Variants in SLAIN2 observed in about 807,000 individuals in gnomAD.
SLAIN2 encodes the protein SLAIN motif-containing protein 2.
SLAIN2 carries 31 observed loss-of-function variants against 56.6 expected under a neutral mutation model. The observed-to-expected ratio is 0.55, with a 90% CI of 0.41 to 0.74. The LOEUF is 0.74. Ranked by LOEUF, SLAIN2 falls within the 30% of genes least tolerant of loss-of-function variation. SLAIN2 has a pLI of 0.00. For missense variants in SLAIN2, 777 were observed against 754.2 expected (o/e 1.03, Z -0.35); for synonymous variants, 317 against 284.9 (o/e 1.11, Z -1.13).
Position 48,422,939 on chromosome 4 carries a change from T to C in SLAIN2, c.*862T>C, listed in dbSNP as rs1717199542. 6.6e-6 allele frequency: 1 copy of C among 152,218 alleles called. No homozygotes were observed. The highest frequency in any genetic ancestry group is 2.1e-4 in the South Asian group (1 of 4,832). The allele number at this position is 152,218 out of a possible 1,614,324, so 9.4% of individuals were successfully genotyped here. The stretch of plus-strand genomic sequence containing the variant: ...ATCTTTACAGAACTAAGAGATCTTG[T>C]TTCTATTAGCAGGTTTTCATGATAG... On this transcript the variant is annotated 3_prime_UTR_variant, in exon 8 of 8. Transcript: ENST00000264313.
intron 6 of SLAIN2, among the ~76,000 whole-genome samples, chr4:48,410,360 A>G (rs1228281687): frequency 6.6e-6 from 1 of 151,812 alleles, no homozygotes; most frequent in Admixed American, 6.6e-5. Flanking sequence ...TGATTTGTAA[A>G]TATTTTCTCC....
At chr4:48,413,218 ACT>A (rs1260811121) in intron 6 of SLAIN2, among the ~76,000 whole-genome samples, 1 of 122,482 alleles carries the variant, frequency 8.2e-6, no homozygotes, top group African/African-American at 2.9e-5. Context: ...ATAGAGCGAG[ACT>A]CTGCCTCAAA....
chr4:48,355,362 A>G (rs1358609885), intron 1 of SLAIN2, among the ~76,000 whole-genome samples: 2 of 152,214 alleles, frequency 1.3e-5, no homozygotes, highest in African/African-American at 4.8e-5. Flanking sequence ...TCCCATGTGA[A>G]GACTGTTATA....
At position 48,420,138 on chromosome 4, in the gene SLAIN2, C is replaced by G; in HGVS notation, c.1374C>G (p.Gly458=). Residue 458 remains glycine (G), a synonymous_variant, in exon 7 of 8, where the codon GGC becomes GGG. Transcript: ENST00000264313. ...QPQASAIPSP[G]KFRSPAAPSP... ...GCCATCCCACAGTACCTTCTCCAGG[C>G]AAATTCCGTTCCCCTGCAGCACCAT... 1.2e-6 allele frequency: 2 copies of G among 1,613,766 alleles called. No homozygotes were observed.
intron 6 of SLAIN2, among the ~76,000 whole-genome samples, chr4:48,390,232 C>A (rs1243816531): frequency 1.3e-5 from 2 of 151,922 alleles, no homozygotes; most frequent in East Asian, 3.9e-4. Context: ...CACGCACCAC[C>A]ATGCCTGGCT....
rs1281437264 is a variant in SLAIN2, at chr4:48,383,803, C to T, written c.1360+19C>T. On this transcript the variant is annotated intron_variant, in intron 6 of 7. Coordinates refer to ENST00000264313, the MANE Select transcript of SLAIN2 (RefSeq NM_020846.2). ...TCAGCCAGTAAGTATCCTTCTTATG[C>T]TTTCATGTATCAGTTATTTAAAGAG... 1.9e-5 allele frequency: 31 copies of T among 1,603,770 alleles called. No homozygotes were observed. Among genetic ancestry groups the T allele is most frequent in the South Asian group, 6.7e-5 (6 of 89,436 alleles).
chr4:48,393,663 C>T (rs906471172), intron 6 of SLAIN2, among the ~76,000 whole-genome samples: 1 of 152,120 alleles, frequency 6.6e-6, no homozygotes, highest in Non-Finnish European at 1.5e-5. Context: ...TGCACATAAA[C>T]ACTAAAGGTA....
intron 6 of SLAIN2, among the ~76,000 whole-genome samples, chr4:48,384,834 A>C (rs1001842987): frequency 6.6e-6 from 1 of 152,216 alleles, no homozygotes; most frequent in Admixed American, 6.5e-5. Context: ...AGTATTACAC[A>C]ATAAAAATGA....
At chr4:48,392,893 C>A (rs1716273054) in intron 6 of SLAIN2, among the ~76,000 whole-genome samples, 1 of 146,870 alleles carries the variant, frequency 6.8e-6, no homozygotes, top group Admixed American at 6.9e-5. Flanking sequence ...ATCTAGTTGC[C>A]TACTGGATAC....
chr4:48,413,437 C>A (rs1368951549), intron 6 of SLAIN2, among the ~76,000 whole-genome samples: 1 of 152,026 alleles, frequency 6.6e-6, no homozygotes, highest in Non-Finnish European at 1.5e-5. Flanking sequence ...TCAGTAATAA[C>A]TTTTTTTACA....
intron 6 of SLAIN2, among the ~76,000 whole-genome samples, chr4:48,397,978 A>G (rs28840724): frequency 0.23 from 35,161 of 152,182 alleles, 4,895 homozygotes; most frequent in Middle Eastern, 0.34. Context: ...ACATGCGTGC[A>G]TACATCTTTA....
At chr4:48,400,759 C>T (rs1716530151) in intron 6 of SLAIN2, among the ~76,000 whole-genome samples, 1 of 151,626 alleles carries the variant, frequency 6.6e-6, no homozygotes. Flanking sequence ...AAAAAAGCTT[C>T]TAAATTCGTT....
intron 6 of SLAIN2, 79 bp from the exon 7 acceptor site, chr4:48,420,046 C>T: frequency 7.2e-7 from 1 of 1,381,936 alleles, no homozygotes; most frequent in Non-Finnish European, 1.0e-6. Flanking sequence ...AGTGCCCAAT[C>T]ATCAGTTGTA....
chr4:48,354,711 A>G (rs1325887955), intron 1 of SLAIN2, among the ~76,000 whole-genome samples: 5 of 151,846 alleles, frequency 3.3e-5, no homozygotes, highest in Admixed American at 6.6e-5. Flanking sequence ...TGATCCGCCT[A>G]CCTCGGCCTC....
Position 48,422,127 on chromosome 4 carries a change from C to T in SLAIN2, c.*50C>T, listed in dbSNP as rs749829346. The T allele has an allele frequency of 5.3e-6, 8 of 1,510,618 alleles. No individual in the cohort carries two copies. The highest frequency in any genetic ancestry group is 4.7e-5 in the South Asian group (4 of 84,776). The allele number at this position is 1,510,618 out of a possible 1,614,324, so 93.6% of individuals were successfully genotyped here. On this transcript the variant is annotated 3_prime_UTR_variant, in exon 8 of 8. Coordinates refer to ENST00000264313, the MANE Select transcript of SLAIN2 (RefSeq NM_020846.2). Reference sequence around the variant, plus strand: ...TCCACGGCTTCATGGATACCCTTCACCAGGCTAAAAAACAACTTTTATATG... The same window carrying T: ...TCCACGGCTTCATGGATACCCTTCATCAGGCTAAAAAACAACTTTTATATG...
rs1182913328 is a variant in SLAIN2 at position 48,424,596 on chromosome 4, C to G, written c.*2519C>G. On this transcript the variant is annotated 3_prime_UTR_variant, in exon 8 of 8. Coordinates refer to ENST00000264313, the MANE Select transcript of SLAIN2 (RefSeq NM_020846.2). ...GGAAAAAATATAAATATTCTTAACT[C>G]AAGCATTTGCTGGATCATTTTTCTA... is the stretch of plus-strand genomic sequence containing the variant. The G allele has an allele frequency of 6.6e-6, 1 of 151,980 alleles. No individual in the cohort carries two copies. Among genetic ancestry groups the G allele is most frequent in the Non-Finnish European group, 1.5e-5 (1 of 67,944 alleles). The allele number at this position is 151,980 out of a possible 1,614,324, so 9.4% of individuals were successfully genotyped here.
chr4:48,354,429 T>A (rs184830966), intron 1 of SLAIN2, among the ~76,000 whole-genome samples: 1 of 152,010 alleles, frequency 6.6e-6, no homozygotes, highest in Non-Finnish European at 1.5e-5. Context: ...TTGATTACTG[T>A]CACTTGAGAG....
intron 6 of SLAIN2, among the ~76,000 whole-genome samples, chr4:48,413,214 C>T (rs1260445252): frequency 1.5e-5 from 2 of 135,720 alleles, no homozygotes; most frequent in East Asian, 2.1e-4. Context: ...GGTGATAGAG[C>T]GAGACTCTGC....
intron 2 of SLAIN2, among the ~76,000 whole-genome samples, chr4:48,370,569 A>G (rs1187197590): frequency 1.3e-5 from 2 of 152,208 alleles, no homozygotes; most frequent in African/African-American, 4.8e-5. Context: ...TTCCCTTGTT[A>G]TGTAAAACTA....
Sources: gnomAD v4.1 joint callset for allele counts (sites outside exome capture counted in the v4.1 genomes callset) on GRCh38, gnomAD v4.1.1 for gene constraint, MANE v1.5 for transcripts, NCBI Gene and HGNC (gene_info 2026-07-23, HGNC 2026-07-21) for gene names.